SYNPO2: variants seen among roughly 807,000 people sequenced by gnomAD.
The protein encoded by SYNPO2 is synaptopodin-2.
A neutral mutation model predicts 85.0 loss-of-function variants in SYNPO2; 56 were observed. The ratio of observed to expected loss-of-function variants is 0.66; its 90% CI spans 0.53 to 0.82. The LOEUF is 0.82. Ranked by LOEUF, SYNPO2 falls within the 40% of genes least tolerant of loss-of-function variation. The probability of loss-of-function intolerance (pLI) is 0.00; values close to 1 mark genes in which losing one functional copy is unlikely to be tolerated. For missense variants in SYNPO2, 1,575 were observed against 1,534.2 expected (o/e 1.03, Z -0.44); for synonymous variants, 602 against 591.1 (o/e 1.02, Z -0.27).
intron 1 of SYNPO2, among the ~76,000 whole-genome samples, chr4:118,931,240 G>A (rs1733921881): frequency 6.6e-6 from 1 of 151,988 alleles, no homozygotes; most frequent in African/African-American, 2.4e-5. Flanking sequence ...AAAAATTCAG[G>A]ATTGAGGGGT....
intron 1 of SYNPO2, among the ~76,000 whole-genome samples, chr4:118,939,837 T>A (rs1197297919): frequency 6.6e-6 from 1 of 152,210 alleles, no homozygotes; most frequent in East Asian, 1.9e-4. Flanking sequence ...TGGTTTAAGC[T>A]CCTTAGAGAC....
chr4:119,008,460 G>A (rs182820786), intron 1 of SYNPO2, among the ~76,000 whole-genome samples: 8 of 150,636 alleles, frequency 5.3e-5, no homozygotes, highest in Admixed American at 4.0e-4. Flanking sequence ...CCTTGGCAAA[G>A]CAAGCTTTGA....
chr4:119,027,314 G>A lies in SYNPO2; in HGVS notation c.945G>A (p.Gly315=). ...KECVDSPVEG[G]QSEAPPSLVS... ...GTGTGGATTCTCCAGTGGAAGGAGG[G>A]CAGTCAGAAGCACCTCCTTCTCTGG... Residue 315 remains glycine, a synonymous_variant, in exon 3 of 5, where the codon GGG becomes GGA. Transcript: ENST00000307142. 6.2e-7 allele frequency: 1 copy of A among 1,614,086 alleles called. No individual in the cohort carries two copies.
chr4:119,026,544 G>T, intron 2 of SYNPO2, 83 bp from the exon 3 acceptor site: 2 of 1,396,446 alleles, frequency 1.4e-6, no homozygotes, highest in Non-Finnish European at 1.9e-6. Context: ...TCACATATTA[G>T]ACATCACAAA....
intron 1 of SYNPO2, among the ~76,000 whole-genome samples, chr4:118,923,177 A>T (rs1423812065): frequency 6.6e-6 from 1 of 152,164 alleles, no homozygotes; most frequent in East Asian, 1.9e-4. Context: ...GAAAAAGAAA[A>T]TGTGGTACAT....
At chr4:119,022,238 T>A (rs1267777036) in intron 1 of SYNPO2, among the ~76,000 whole-genome samples, 1 of 152,174 alleles carries the variant, frequency 6.6e-6, no homozygotes, top group Non-Finnish European at 1.5e-5. Flanking sequence ...TGGCGTTTCA[T>A]TCACCTTGGC....
chr4:118,941,954 A>G (rs549429544), intron 1 of SYNPO2, among the ~76,000 whole-genome samples: 3 of 152,178 alleles, frequency 2.0e-5, no homozygotes, highest in Non-Finnish European at 4.4e-5. Context: ...TTTGGGACAT[A>G]GGAGCTATCC....
chr4:118,986,970 C>T (rs1578617355), intron 1 of SYNPO2, among the ~76,000 whole-genome samples: 1 of 152,178 alleles, frequency 6.6e-6, no homozygotes, highest in East Asian at 1.9e-4. Context: ...TTCATAGGCA[C>T]TGCAAATGTG....
rs1229614324 is a variant in SYNPO2, at chr4:119,037,448, G to A, written c.3252+5421G>A. 5.5e-6 allele frequency: 6 copies of A among 1,099,356 alleles called. No individual in the cohort carries two copies. In the African/African-American group the frequency reaches 8.2e-5, roughly 15 times the overall value. The allele number at this position is 1,099,356 out of a possible 1,614,324, so 68.1% of individuals were successfully genotyped here. A position where few individuals can be genotyped will look rare whatever the true frequency, so the allele number is the denominator to read the frequency against. On this transcript the variant is annotated intron_variant, in intron 4 of 4. Coordinates refer to ENST00000307142, the MANE Select transcript of SYNPO2 (RefSeq NM_133477.3). Reference sequence around the variant, plus strand: ...TTCTTCTTGGAAGTAAATAACAAAAGCCATAGTGTTTTCATTTGTCTTTTC... The same window carrying A: ...TTCTTCTTGGAAGTAAATAACAAAAACCATAGTGTTTTCATTTGTCTTTTC...
In SYNPO2 at chr4:119,018,466, A is replaced by G. The variant is rs1019981413; in HGVS notation, c.106-4964A>G. Among the ~76,000 whole-genome samples the G allele has an allele frequency of 3.3e-5, 5 of 152,244 alleles. No individual in the cohort carries two copies. The South Asian group carries it at 1.0e-3, about 32-fold the overall frequency. ...CTTTATATTGGATATATAACCAGCA[A>G]TGGGATTGCTGGCTAGTTCTAGTTT... On this transcript the variant is annotated intron_variant, in intron 1 of 4. Transcript: ENST00000307142.
intron 1 of SYNPO2, among the ~76,000 whole-genome samples, chr4:118,986,462 G>C (rs1736221706): frequency 1.3e-5 from 2 of 152,170 alleles, no homozygotes; most frequent in South Asian, 4.1e-4. Flanking sequence ...GTCACTCAGA[G>C]TACTACAAAC....
At chr4:118,867,829 A>G (rs1731727689) in intron 1 of SYNPO2, among the ~76,000 whole-genome samples, 2 of 152,140 alleles carry the variant, frequency 1.3e-5, no homozygotes, top group African/African-American at 4.8e-5. Flanking sequence ...AGTATCTTGC[A>G]TCATTCCAAC....
At chr4:118,982,383 A>G (rs769179769) in intron 1 of SYNPO2, among the ~76,000 whole-genome samples, 1 of 152,234 alleles carries the variant, frequency 6.6e-6, no homozygotes. Flanking sequence ...TCGGATGCAC[A>G]TAGTTCTTCA....
At chr4:119,002,699 A>G (rs564867738) in intron 1 of SYNPO2, among the ~76,000 whole-genome samples, 3 of 151,926 alleles carry the variant, frequency 2.0e-5, no homozygotes, top group South Asian at 4.2e-4. Context: ...TGGATTCCCT[A>G]TTTCTTTGGT....
At chr4:119,044,178 A>G (rs1369585811) in intron 4 of SYNPO2, among the ~76,000 whole-genome samples, 3 of 152,180 alleles carry the variant, frequency 2.0e-5, no homozygotes, top group Non-Finnish European at 2.9e-5. Flanking sequence ...TAACTGGGAT[A>G]CTTCTGATAA....
At chr4:118,936,984 T>G (rs1350583200) in intron 1 of SYNPO2, among the ~76,000 whole-genome samples, 1 of 152,104 alleles carries the variant, frequency 6.6e-6, no homozygotes, top group Non-Finnish European at 1.5e-5. Context: ...TTCTCCCAAT[T>G]TTACTGCCAC....
At chr4:119,017,096 G>C (rs1737552643) in intron 1 of SYNPO2, among the ~76,000 whole-genome samples, 1 of 152,150 alleles carries the variant, frequency 6.6e-6, no homozygotes, top group African/African-American at 2.4e-5. Flanking sequence ...ATGAGAACAG[G>C]TTATGAGCTT....
chr4:118,935,009 T>C (rs572875608), intron 1 of SYNPO2, among the ~76,000 whole-genome samples: 14 of 152,198 alleles, frequency 9.2e-5, no homozygotes, highest in Admixed American at 3.3e-4. Context: ...AAGATAGTTA[T>C]CCTAAGCTGC....
chr4:118,887,016 G>A (rs1732209960), upstream of SYNPO2, among the ~76,000 whole-genome samples: 1 of 152,132 alleles, frequency 6.6e-6, no homozygotes, highest in Non-Finnish European at 1.5e-5. Flanking sequence ...AAAAAAAAAT[G>A]TATTTCCAGC....
Sources: gnomAD v4.1 joint callset for allele counts (sites outside exome capture counted in the v4.1 genomes callset) on GRCh38, gnomAD v4.1.1 for gene constraint, MANE v1.5 for transcripts, NCBI Gene and HGNC (gene_info 2026-07-23, HGNC 2026-07-21) for gene names.